Variants in CNTLN observed in about 807,000 individuals in gnomAD.
CNTLN encodes centlein, also known as centlein, centrosomal protein.
A neutral mutation model predicts 180.0 loss-of-function variants in CNTLN; 212 were observed. That is an observed-to-expected ratio of 1.18 (90% confidence interval 1.05 to 1.32). The LOEUF (loss-of-function observed/expected upper bound fraction) is 1.32, where lower values mean the gene tolerates loss of function less well. Ranked by LOEUF, CNTLN falls within the 40% of genes most tolerant of loss-of-function variation. The pLI is 0.00. For synonymous variants in CNTLN, 722 were observed against 563.1 expected (o/e 1.28, Z -3.99); for missense variants, 2,095 against 1,610.9 (o/e 1.30, Z -5.14).
At chr9:17,283,175 G>T (rs1828770623) in intron 6 of CNTLN, among the ~76,000 whole-genome samples, 1 of 152,006 alleles carries the variant, frequency 6.6e-6, no homozygotes, top group African/African-American at 2.4e-5. Context: ...AAATTACTTT[G>T]GGCAGTGTGG....
chr9:17,443,069 T>G (rs1830200327), intron 18 of CNTLN, among the ~76,000 whole-genome samples: 1 of 151,720 alleles, frequency 6.6e-6, no homozygotes, highest in South Asian at 2.1e-4. Context: ...CCATCATACT[T>G]AAAGAAGTTA....
intron 2 of CNTLN, among the ~76,000 whole-genome samples, chr9:17,146,156 C>A (rs1818445624): frequency 6.6e-6 from 1 of 152,028 alleles, no homozygotes; most frequent in African/African-American, 2.4e-5. Context: ...CTTTGGTGGG[C>A]CTTTCCATTT....
intron 8 of CNTLN, among the ~76,000 whole-genome samples, chr9:17,313,133 A>G (rs576110402): frequency 3.3e-5 from 5 of 152,268 alleles, no homozygotes; most frequent in South Asian, 2.1e-4. Context: ...AGTATAGCCA[A>G]TTCTTCCCTT....
chr9:17,171,516 G>A (rs1466152702), intron 2 of CNTLN, among the ~76,000 whole-genome samples: 1 of 152,196 alleles, frequency 6.6e-6, no homozygotes, highest in African/African-American at 2.4e-5. Flanking sequence ...GGGCTTTTGG[G>A]TTCTTTGATG....
intron 5 of CNTLN, among the ~76,000 whole-genome samples, chr9:17,241,062 G>T (rs1369338381): frequency 6.6e-6 from 1 of 152,086 alleles, no homozygotes; most frequent in Non-Finnish European, 1.5e-5. Flanking sequence ...GTTTCATCGT[G>T]TTAGCCAGGA....
At chr9:17,408,535 C>T (rs1167951074) in intron 15 of CNTLN, among the ~76,000 whole-genome samples, 5 of 151,952 alleles carry the variant, frequency 3.3e-5, no homozygotes, top group Admixed American at 6.6e-5. Flanking sequence ...GGTGCAGTGG[C>T]TCATGCCTGT....
intron 2 of CNTLN, among the ~76,000 whole-genome samples, chr9:17,211,609 G>T (rs1388131180): frequency 2.0e-5 from 3 of 152,180 alleles, no homozygotes; most frequent in Admixed American, 1.3e-4. Context: ...TTGGTAGCTT[G>T]ATGGGGATGG....
At chr9:17,299,446 C>G (rs1045589794) in intron 7 of CNTLN, 11 of 977,032 alleles carry the variant, frequency 1.1e-5, no homozygotes, top group African/African-American at 3.5e-5. Context: ...TACTTCTGAT[C>G]TTACTTTTCT....
At chr9:17,403,122 T>C (rs1255566499) in intron 15 of CNTLN, among the ~76,000 whole-genome samples, 3 of 151,636 alleles carry the variant, frequency 2.0e-5, no homozygotes, top group Admixed American at 6.6e-5. Context: ...TGGTGGAAGA[T>C]TGGTGGCAGG....
At chr9:17,482,043 T>A (rs1049049996) in intron 23 of CNTLN, among the ~76,000 whole-genome samples, 3 of 152,172 alleles carry the variant, frequency 2.0e-5, no homozygotes, top group Admixed American at 1.3e-4. Flanking sequence ...ATATGAAGAA[T>A]CATGGAAAAA....
At chr9:17,325,830 G>GA (rs931429479) in intron 8 of CNTLN, among the ~76,000 whole-genome samples, 2 of 151,602 alleles carry the variant, frequency 1.3e-5, no homozygotes, top group African/African-American at 2.4e-5. Flanking sequence ...AATGTAGTAG[G>GA]AAAAAATATT....
chr9:17,466,961 G>C (rs1831789271), intron 23 of CNTLN, 70 bp downstream of exon 23: 1 of 1,061,452 alleles, frequency 9.4e-7, no homozygotes, highest in Non-Finnish European at 1.4e-6. Context: ...TACTTGAGAT[G>C]ATTTGGGGAA....
the CNTLN span, among the ~76,000 whole-genome samples, chr9:17,525,249 A>T: frequency 6.6e-6 from 1 of 152,148 alleles, no homozygotes; most frequent in African/African-American, 2.4e-5. Context: ...TAAAAAAAAA[A>T]CCTTTCAGTC....
intron 5 of CNTLN, among the ~76,000 whole-genome samples, chr9:17,264,823 A>G (rs999146173): frequency 6.6e-6 from 1 of 151,862 alleles, no homozygotes; most frequent in African/African-American, 2.4e-5. Flanking sequence ...GAGTTCACTC[A>G]TGATTTGGCT....
intron 18 of CNTLN, among the ~76,000 whole-genome samples, chr9:17,430,733 A>C (rs1485556003): frequency 2.0e-5 from 3 of 152,114 alleles, no homozygotes; most frequent in Non-Finnish European, 4.4e-5. Context: ...TCTGGTAACC[A>C]CCATTCTACT....
intron 15 of CNTLN, 129 bp from the exon 16 acceptor site, chr9:17,409,163 TA>T: frequency 1.4e-6 from 1 of 728,456 alleles, no homozygotes; most frequent in Non-Finnish European, 2.3e-6. Context: ...TGAGAACCAG[TA>T]AATGCCCACG....
intron 19 of CNTLN, among the ~76,000 whole-genome samples, chr9:17,461,314 A>T (rs919971406): frequency 6.6e-6 from 1 of 151,676 alleles, no homozygotes; most frequent in African/African-American, 2.4e-5. Flanking sequence ...ATTATTTGAT[A>T]AATTGACTAG....
At chr9:17,287,999 C>T in intron 6 of CNTLN, among the ~76,000 whole-genome samples, 1 of 138,290 alleles carries the variant, frequency 7.2e-6, no homozygotes, top group African/African-American at 3.0e-5. Flanking sequence ...TTTTGTGTCT[C>T]TGTTTCCTTC....
At position 17,325,378 on chromosome 9, in the gene CNTLN, ATGTGTGTG is replaced by A. The variant is rs74311460; in HGVS notation, c.1342-5226_1342-5219del. Among the ~76,000 whole-genome samples the A allele has an allele frequency of 1.2e-3, 160 of 128,148 alleles. 1 individual carries two copies. The highest frequency in any genetic ancestry group is 4.3e-3 in the Admixed American group (56 of 13,158). The allele number at this position is 128,148 out of a possible 152,430, so 84.1% of individuals were successfully genotyped here. ...GAAAAGTGTGTGTGCATGTGTATGTATGTGTGTGTGTGTGTGTGTGTGTGTGTGTGTGT... is the reference window on the plus strand; with the variant it reads ...GAAAAGTGTGTGTGCATGTGTATGTATGTGTGTGTGTGTGTGTGTGTGTGT... On this transcript the variant is annotated intron_variant, in intron 8 of 25. Coordinates refer to ENST00000380647, the MANE Select transcript of CNTLN (RefSeq NM_017738.4).
Sources: gnomAD v4.1 joint callset for allele counts (sites outside exome capture counted in the v4.1 genomes callset) on GRCh38, gnomAD v4.1.1 for gene constraint, MANE v1.5 for transcripts, NCBI Gene and HGNC (gene_info 2026-07-23, HGNC 2026-07-21) for gene names.